Variants in DCC observed in about 807,000 individuals in gnomAD.
DCC encodes DCC netrin 1 receptor.
A neutral mutation model predicts 172.5 loss-of-function variants in DCC; 58 were observed. That is an observed-to-expected ratio of 0.34 (90% confidence interval 0.27 to 0.42). DCC has a LOEUF of 0.42. Ranked by LOEUF, DCC falls within the 10% of genes least tolerant of loss-of-function variation. The probability of loss-of-function intolerance (pLI) is 1.00; values close to 1 mark genes in which losing one functional copy is unlikely to be tolerated. For synonymous variants in DCC, 709 were observed against 644.5 expected (o/e 1.10, Z -1.52); for missense variants, 1,740 against 1,791.0 (o/e 0.97, Z 0.51).
At chr18:53,354,293 G>T (rs1034582580) in intron 15 of DCC, among the ~76,000 whole-genome samples, 1 of 152,190 alleles carries the variant, frequency 6.6e-6, no homozygotes, top group Non-Finnish European at 1.5e-5. Context: ...TGGGATGGCT[G>T]AGTCAAATGG....
At chr18:53,514,145 T>A (rs943841282) in intron 27 of DCC, among the ~76,000 whole-genome samples, 1 of 152,016 alleles carries the variant, frequency 6.6e-6, no homozygotes, top group South Asian at 2.1e-4. Flanking sequence ...GGATTAAGAA[T>A]CTCACTCAAA....
intron 1 of DCC, among the ~76,000 whole-genome samples, chr18:52,547,546 C>G (rs757805255): frequency 2.0e-5 from 3 of 152,128 alleles, no homozygotes; most frequent in Middle Eastern, 3.4e-3. Flanking sequence ...GTGAACAAAG[C>G]CAGTTACATA....
At chr18:52,378,690 G>C (rs1985457850) in intron 1 of DCC, among the ~76,000 whole-genome samples, 1 of 151,940 alleles carries the variant, frequency 6.6e-6, no homozygotes, top group East Asian at 1.9e-4. Context: ...GAGACTACAG[G>C]TGCACACCAC....
At chr18:52,648,980 C>T (rs1436482970) in intron 1 of DCC, among the ~76,000 whole-genome samples, 1 of 152,142 alleles carries the variant, frequency 6.6e-6, no homozygotes, top group Non-Finnish European at 1.5e-5. Context: ...CCCCCTTCCC[C>T]CATGCAGAAA....
intron 1 of DCC, among the ~76,000 whole-genome samples, chr18:52,598,370 T>A (rs1302410152): frequency 6.6e-6 from 1 of 152,144 alleles, no homozygotes; most frequent in African/African-American, 2.4e-5. Flanking sequence ...AGATATTAGC[T>A]GAGTCTCAAA....
chr18:53,490,247 TGGG>T (rs1377583734), intron 26 of DCC, among the ~76,000 whole-genome samples: 1 of 152,104 alleles, frequency 6.6e-6, no homozygotes, highest in Non-Finnish European at 1.5e-5. Context: ...TGTAAGAAAC[TGGG>T]GTTATGTAAA....
chr18:53,001,802 G>A (rs1045403795), intron 5 of DCC, among the ~76,000 whole-genome samples: 9 of 151,910 alleles, frequency 5.9e-5, no homozygotes, highest in African/African-American at 2.2e-4. Flanking sequence ...GGCCATGTGA[G>A]TGTGACCATA....
intron 1 of DCC, among the ~76,000 whole-genome samples, chr18:52,404,744 G>A (rs1390350932): frequency 6.6e-5 from 10 of 150,632 alleles, no homozygotes; most frequent in Admixed American, 6.6e-4. Context: ...CATGTGCGAT[G>A]CTGGTGCGCT....
In DCC at chr18:53,339,905, T is replaced by C; in HGVS notation, c.2357T>C (p.Leu786Ser). ...CAGCGATATTATTCCATTGAGAGGT[T>C]AGGTGAGTATCTGTGATTTTTTTTA... is the stretch of plus-strand genomic sequence containing the variant. Reference protein sequence around the residue: ...SKQRYYSIERLESSSHYVISL... With the variant: ...SKQRYYSIERSESSSHYVISL... Residue 786 changes from leucine (L) to serine (S), a missense_variant and splice_region_variant, in exon 15 of 29, where the codon TTA (leucine) becomes TCA (serine). Leu to Ser is a moderately radical substitution (Grantham distance 145). Transcript: ENST00000442544. The C allele has an allele frequency of 6.2e-7, 1 of 1,612,340 alleles. No homozygotes were observed. The highest frequency in any genetic ancestry group is 8.5e-7 in the Non-Finnish European group (1 of 1,179,002).
At chr18:52,753,839 C>G (rs1454660688) in intron 2 of DCC, among the ~76,000 whole-genome samples, 2 of 152,126 alleles carry the variant, frequency 1.3e-5, no homozygotes, top group Admixed American at 6.5e-5. Flanking sequence ...AATGTTAGAC[C>G]TGCAAAGTGA....
At chr18:52,916,073 G>A (rs1309562979) in intron 3 of DCC, among the ~76,000 whole-genome samples, 2 of 151,958 alleles carry the variant, frequency 1.3e-5, no homozygotes, top group African/African-American at 2.4e-5. Context: ...TTATTGTCTC[G>A]ATCCTTAAAG....
At chr18:53,515,945 T>A (rs2046328633) in intron 27 of DCC, among the ~76,000 whole-genome samples, 1 of 151,594 alleles carries the variant, frequency 6.6e-6, no homozygotes, top group Non-Finnish European at 1.5e-5. Context: ...ATTGGAAAAA[T>A]CTACTTTAAA....
chr18:52,740,336 G>T (rs1389223041), intron 1 of DCC, among the ~76,000 whole-genome samples: 1 of 152,108 alleles, frequency 6.6e-6, no homozygotes, highest in African/African-American at 2.4e-5. Flanking sequence ...ATCACTGTGG[G>T]TTTTCCTTCT....
intron 2 of DCC, among the ~76,000 whole-genome samples, chr18:52,760,523 A>G (rs1279919928): frequency 2.0e-5 from 3 of 152,088 alleles, no homozygotes; most frequent in African/African-American, 7.2e-5. Flanking sequence ...TCAGAGCGTG[A>G]CCTCCAAACC....
chr18:53,067,079 T>G (rs933436342), intron 7 of DCC, among the ~76,000 whole-genome samples: 5 of 152,162 alleles, frequency 3.3e-5, no homozygotes, highest in African/African-American at 1.2e-4. Context: ...ACACTGGGGA[T>G]TGCAATTAGA....
intron 27 of DCC, among the ~76,000 whole-genome samples, chr18:53,522,260 G>A (rs138347940): frequency 3.0e-4 from 46 of 151,382 alleles, no homozygotes; most frequent in African/African-American, 7.7e-4. Context: ...CAGGAACACC[G>A]TGGTTATAGT....
At chr18:52,552,850 T>C (rs1394001720) in intron 1 of DCC, among the ~76,000 whole-genome samples, 2 of 152,050 alleles carry the variant, frequency 1.3e-5, no homozygotes, top group African/African-American at 2.4e-5. Flanking sequence ...AAGAAAAAAG[T>C]ATTTCTCACA....
At chr18:52,771,439 C>A (rs1379473960) in intron 2 of DCC, among the ~76,000 whole-genome samples, 1 of 152,148 alleles carries the variant, frequency 6.6e-6, no homozygotes, top group East Asian at 1.9e-4. Flanking sequence ...GCCTTCTTCT[C>A]CTTCCAGAGG....
intron 12 of DCC, among the ~76,000 whole-genome samples, chr18:53,278,488 A>T (rs1280792891): frequency 6.6e-6 from 1 of 152,116 alleles, no homozygotes; most frequent in Non-Finnish European, 1.5e-5. Context: ...ACACAGGATT[A>T]CTATTGTCTC....
Sources: allele counts gnomAD v4.1 joint callset (sites outside exome capture counted in the v4.1 genomes callset), GRCh38; gene constraint gnomAD v4.1.1; transcripts MANE v1.5; gene names NCBI Gene and HGNC (gene_info 2026-07-23, HGNC 2026-07-21).